Variants in CHD2 observed in about 807,000 individuals in gnomAD.
The protein encoded by CHD2 is ATP-dependent chromatin remodeler CHD2.
A neutral mutation model predicts 243.9 loss-of-function variants in CHD2; 28 were observed. The ratio of observed to expected loss-of-function variants is 0.11; its 90% CI spans 0.09 to 0.16. The LOEUF is 0.16. CHD2 is among the 10% of genes least tolerant of loss of function. The pLI is 1.00. For synonymous variants in CHD2, 775 were observed against 779.0 expected, an observed-to-expected ratio of 0.99 and a Z score of 0.09; for missense variants, 1,386 against 2,209.8, an observed-to-expected ratio of 0.63 and a Z score of 7.47.
At chr15:92,939,758 A>G in intron 7 of CHD2, 40 bp downstream of exon 7, 1 of 1,589,508 alleles carries the variant, frequency 6.3e-7, no homozygotes, top group Non-Finnish European at 8.5e-7. Context: ...GTGTGATGTG[A>G]TAAAGTAGTT....
In CHD2 at chr15:93,024,726, G is replaced by A. The variant is rs750454950; in HGVS notation, c.*21G>A. The A allele has an allele frequency of 2.5e-6, 4 of 1,573,210 alleles. 1 individual carries two copies. In the South Asian group the frequency reaches 4.7e-5, roughly 18 times the overall value. On this transcript the variant is annotated 3_prime_UTR_variant, in exon 39 of 39. Coordinates refer to ENST00000394196, the MANE Select transcript of CHD2 (RefSeq NM_001271.4). ...CATAAAGGACAGCTCGTAAAGGAGA[G>A]AGTAAGAGTCACCAAACACGTGGAT...
intron 2 of CHD2, chr15:92,901,933 G>C: frequency 5.6e-6 from 2 of 356,042 alleles, no homozygotes; most frequent in Non-Finnish European, 1.0e-5. Context: ...TTTACTTGAT[G>C]GTTAGAGTTC....
intron 26 of CHD2, among the ~76,000 whole-genome samples, chr15:92,990,808 G>C (rs1324852737): frequency 6.6e-6 from 1 of 152,102 alleles, no homozygotes; most frequent in Admixed American, 6.5e-5. Context: ...GTTTTTAGTG[G>C]AAAGTACTGG....
chr15:92,945,610 T>G, intron 10 of CHD2: 1 of 265,304 alleles, frequency 3.8e-6, no homozygotes, highest in Non-Finnish European at 7.3e-6. Context: ...GTTGGCCAGG[T>G]TGGTCTTGAA....
intron 13 of CHD2, among the ~76,000 whole-genome samples, chr15:92,952,562 G>T (rs1000306291): frequency 6.6e-6 from 1 of 151,974 alleles, no homozygotes; most frequent in African/African-American, 2.4e-5. Flanking sequence ...GTTCATAGTG[G>T]GGTTCATGCT....
chr15:92,965,009 C>T (rs1166368295), intron 16 of CHD2, among the ~76,000 whole-genome samples: 3 of 151,976 alleles, frequency 2.0e-5, no homozygotes, highest in Non-Finnish European at 1.5e-5. Context: ...GTTTAATTTC[C>T]GTTGTTGGTC....
At position 92,992,892 on chromosome 15, in the gene CHD2, A is replaced by G. The variant is rs1172721379; in HGVS notation, c.3489A>G (p.Val1163=). 1.9e-6 allele frequency: 3 copies of G among 1,613,920 alleles called. No individual in the cohort carries two copies. Among genetic ancestry groups the G allele is most frequent in the Non-Finnish European group, 1.7e-6 (2 of 1,180,042 alleles). The stretch of plus-strand genomic sequence containing the variant: ...GCATAGCACGTGATGCTGAGCTGGT[A>G]GATAAGTCGGTGGCAGATCTGAAGC... ...LECIARDAEL[V]DKSVADLKRL... The change falls in exon 28 of 39, where the codon GTA becomes GTG. Residue 1163 remains valine, a synonymous_variant. Transcript: ENST00000394196.
intron 22 of CHD2, among the ~76,000 whole-genome samples, chr15:92,980,022 TG>T (rs1254421708): frequency 1.4e-5 from 2 of 142,442 alleles, no homozygotes; most frequent in African/African-American, 5.1e-5. Flanking sequence ...TCTGTGGTGG[TG>T]TTTCAGCTAT....
At chr15:92,960,788 C>T (rs1225325406) in intron 16 of CHD2, among the ~76,000 whole-genome samples, 1 of 143,678 alleles carries the variant, frequency 7.0e-6, no homozygotes, top group Non-Finnish European at 1.5e-5. Context: ...CATCTCGGCT[C>T]ACTGCAACCT....
chr15:92,931,580 G>T (rs1204369658), intron 5 of CHD2, among the ~76,000 whole-genome samples: 1 of 151,896 alleles, frequency 6.6e-6, no homozygotes, highest in Non-Finnish European at 1.5e-5. Context: ...TCACTACGTT[G>T]CCCTGGCTGT....
intron 31 of CHD2, among the ~76,000 whole-genome samples, chr15:92,999,005 A>AC (rs1371682576): frequency 2.9e-5 from 4 of 135,846 alleles, no homozygotes; most frequent in Non-Finnish European, 4.6e-5. Flanking sequence ...AATGGTGTGA[A>AC]CCCGGGAGGC....
chr15:92,943,522 T>C (rs1253797024), intron 9 of CHD2: 2 of 164,728 alleles, frequency 1.2e-5, no homozygotes, highest in Non-Finnish European at 2.7e-5. Context: ...CTCTGGGTTA[T>C]GATATACTTA....
intron 3 of CHD2, among the ~76,000 whole-genome samples, 162 bp downstream of exon 3, chr15:92,924,714 C>T (rs1416643722): frequency 2.0e-5 from 3 of 152,166 alleles, no homozygotes; most frequent in Non-Finnish European, 2.9e-5. Context: ...ATGAAGACTT[C>T]TTTCTGCTCT....
At chr15:92,910,659 GTGC>G (rs1408383500) in intron 2 of CHD2, among the ~76,000 whole-genome samples, 1 of 152,168 alleles carries the variant, frequency 6.6e-6, no homozygotes, top group Non-Finnish European at 1.5e-5. Context: ...GCCTCCCAAA[GTGC>G]TGGGATTACA....
intron 12 of CHD2, among the ~76,000 whole-genome samples, chr15:92,948,409 C>T (rs1163255296): frequency 6.6e-6 from 1 of 152,040 alleles, no homozygotes; most frequent in Admixed American, 6.5e-5. Flanking sequence ...TAATGATGTT[C>T]ATAGATTTAT....
At position 93,008,165 on chromosome 15, in the gene CHD2, G is replaced by A. The variant is rs60635695; in HGVS notation, c.4414-980G>A. 8.1e-3 allele frequency among the ~76,000 whole-genome samples: 1,235 copies of A among 152,326 alleles called. 55 individuals are homozygous for A. The highest frequency in any genetic ancestry group is 0.069 in the Admixed American group (1,060 of 15,298). On this transcript the variant is annotated intron_variant, in intron 34 of 38. Coordinates refer to ENST00000394196, the MANE Select transcript of CHD2 (RefSeq NM_001271.4). ...CCCCAGTTTCCTGACTCTCCAGAGC[G>A]TGAAGGCCTGGCTCCATCCACTCTG...
chr15:92,904,858 CTTTTAT>C, intron 2 of CHD2: 1 of 1,525,734 alleles, frequency 6.6e-7, no homozygotes. Context: ...GAGGCGGATA[CTTTTAT>C]TTTAGTGAAA....
chr15:92,935,715 C>T (rs1017496191), intron 5 of CHD2, among the ~76,000 whole-genome samples: 2 of 152,184 alleles, frequency 1.3e-5, no homozygotes, highest in African/African-American at 4.8e-5. Flanking sequence ...TCCTTTCTTC[C>T]TTCCTGGTGA....
At chr15:92,996,341 T>G (rs979595513) in intron 28 of CHD2, among the ~76,000 whole-genome samples, 2 of 151,894 alleles carry the variant, frequency 1.3e-5, no homozygotes, top group Non-Finnish European at 2.9e-5. Context: ...TTTGTATTTT[T>G]AGTAGAGAAG....
Sources: allele counts gnomAD v4.1 joint callset (sites outside exome capture counted in the v4.1 genomes callset), GRCh38; gene constraint gnomAD v4.1.1; transcripts MANE v1.5; gene names NCBI Gene and HGNC (gene_info 2026-07-23, HGNC 2026-07-21).